IL6R: variants seen among roughly 807,000 people sequenced by gnomAD.
IL6R encodes the protein interleukin 6 receptor, also known as interleukin-6 receptor subunit alpha.
A neutral mutation model predicts 48.3 loss-of-function variants in IL6R; 38 were observed. The observed-to-expected ratio is 0.79, with a 90% confidence interval of 0.61 to 1.03. The LOEUF is 1.03. IL6R is among the 50% of genes least tolerant of loss of function. The probability of loss-of-function intolerance (pLI) is 0.00; values close to 1 mark genes in which losing one functional copy is unlikely to be tolerated. For synonymous variants in IL6R, 264 were observed against 256.2 expected, an observed-to-expected ratio of 1.03 and a Z score of -0.29; for missense variants, 534 against 618.3, an observed-to-expected ratio of 0.86 and a Z score of 1.45.
intron 1 of IL6R, among the ~76,000 whole-genome samples, chr1:154,420,655 C>G (rs552974627): frequency 6.6e-6 from 1 of 151,872 alleles, no homozygotes; most frequent in Non-Finnish European, 1.5e-5. Context: ...CATGCCTCAG[C>G]CTCCTGAGTA....
intron 1 of IL6R, among the ~76,000 whole-genome samples, chr1:154,411,915 C>T (rs1403549342): frequency 6.6e-6 from 1 of 150,636 alleles, no homozygotes; most frequent in Non-Finnish European, 1.5e-5. Context: ...GACAAAAATG[C>T]ATGCTTGATA....
chr1:154,467,829 A>G lies in IL6R; in HGVS notation c.*2449A>G, dbSNP rs1022852652. On this transcript the variant is annotated 3_prime_UTR_variant, in exon 10 of 10. Transcript: ENST00000368485. ...CCACATAAAGTTTCTGAGACTTGAG[A>G]ACAGCAAAATGCTGTTAAAGGGAAA... is the stretch of plus-strand genomic sequence containing the variant. The G allele has an allele frequency of 6.6e-6, 1 of 152,210 alleles. No individual in the cohort carries two copies. Among genetic ancestry groups the G allele is most frequent in the Admixed American group, 6.5e-5 (1 of 15,278 alleles). 9.4% of individuals were successfully genotyped at this position (152,210 alleles called of 1,614,324 possible).
chr1:154,450,721 C>T (rs1690535920), intron 8 of IL6R, among the ~76,000 whole-genome samples: 1 of 152,212 alleles, frequency 6.6e-6, no homozygotes, highest in Non-Finnish European at 1.5e-5. Context: ...ATCACAAGTC[C>T]TGTGTTTGAC....
At chr1:154,436,991 T>C (rs1376759527) in intron 6 of IL6R, among the ~76,000 whole-genome samples, 1 of 152,256 alleles carries the variant, frequency 6.6e-6, no homozygotes, top group Non-Finnish European at 1.5e-5. Flanking sequence ...TATATAAATG[T>C]AATATTCCCC....
At chr1:154,439,718 A>G (rs922851082) in intron 6 of IL6R, among the ~76,000 whole-genome samples, 2 of 151,998 alleles carry the variant, frequency 1.3e-5, no homozygotes, top group African/African-American at 2.4e-5. Context: ...TAAAACTGAA[A>G]CTCAGAATCT....
At chr1:154,439,640 G>A (rs1159611424) in intron 6 of IL6R, among the ~76,000 whole-genome samples, 2 of 152,162 alleles carry the variant, frequency 1.3e-5, no homozygotes, top group African/African-American at 4.8e-5. Context: ...TAAGTGCACA[G>A]CTCTGTGGCA....
chr1:154,434,316 C>G (rs957806921), intron 3 of IL6R, among the ~76,000 whole-genome samples: 5 of 151,982 alleles, frequency 3.3e-5, no homozygotes, highest in African/African-American at 1.2e-4. Flanking sequence ...ATCACAAAAA[C>G]AAAACAAAAC....
In IL6R at chr1:154,467,959, A is replaced by G. The variant is rs1691633276; in HGVS notation, c.*2579A>G. 2 of 152,234 alleles carry G rather than the reference A, an allele frequency of 1.3e-5. No individual in the cohort carries two copies. Among genetic ancestry groups the G allele is most frequent in the Admixed American group, 1.3e-4 (2 of 15,278 alleles). 9.4% of individuals were successfully genotyped at this position (152,234 alleles called of 1,614,324 possible). A position where few individuals can be genotyped will look rare whatever the true frequency, so the allele number is the denominator to read the frequency against. Reference sequence around the variant, plus strand: ...GGTGTTACCAAAGCCGGGCAGAACCATGCTAGCGGAAGATGTGAAATCCAG... The same window carrying G: ...GGTGTTACCAAAGCCGGGCAGAACCGTGCTAGCGGAAGATGTGAAATCCAG... On this transcript the variant is annotated 3_prime_UTR_variant, in exon 10 of 10. Coordinates refer to ENST00000368485, the MANE Select transcript of IL6R (RefSeq NM_000565.4).
intron 6 of IL6R, chr1:154,437,475 G>T: frequency 2.2e-6 from 1 of 445,682 alleles, no homozygotes; most frequent in Non-Finnish European, 4.5e-6. Context: ...GTACAGCAGT[G>T]CAATCACAGC....
intron 9 of IL6R, among the ~76,000 whole-genome samples, chr1:154,464,675 C>T (rs1000244757): frequency 4.6e-5 from 7 of 151,658 alleles, no homozygotes; most frequent in Non-Finnish European, 7.4e-5. Flanking sequence ...TAAAAACAGT[C>T]GGGTCGGGTG....
At chr1:154,460,180 T>G (rs568287130) in intron 9 of IL6R, among the ~76,000 whole-genome samples, 2 of 152,322 alleles carry the variant, frequency 1.3e-5, no homozygotes, top group South Asian at 4.1e-4. Flanking sequence ...GTAAAATAGA[T>G]AAAAGGTGGA....
chr1:154,449,900 G>A lies in IL6R; in HGVS notation c.997-11G>A, dbSNP rs1396050348. On this transcript the variant is annotated splice_polypyrimidine_tract_variant and intron_variant, in intron 7 of 9. Coordinates refer to ENST00000368485, the MANE Select transcript of IL6R (RefSeq NM_000565.4). ...CAGAAACAGGCTGATGGTGAGGAATGTCTCTTTTAGGCACTTACTACTAAT... is the reference window on the plus strand; with the variant it reads ...CAGAAACAGGCTGATGGTGAGGAATATCTCTTTTAGGCACTTACTACTAAT... The A allele has an allele frequency of 1.9e-6, 3 of 1,582,630 alleles. No homozygotes were observed. The highest frequency in any genetic ancestry group is 2.7e-5 in the African/African-American group (2 of 74,300).
chr1:154,412,008 C>T (rs962735353), intron 1 of IL6R, among the ~76,000 whole-genome samples: 3 of 141,988 alleles, frequency 2.1e-5, no homozygotes, highest in Admixed American at 7.3e-5. Context: ...AGTGCAGTGG[C>T]GCGATCTCAG....
Position 154,405,675 on chromosome 1 carries a change from C to T in IL6R, c.46C>T (p.Pro16Ser). The change falls in exon 1 of 10, where the codon CCG becomes TCG. Residue 16 changes from proline (P) to serine (S), a missense_variant. Pro to Ser is a moderately conservative substitution (Grantham distance 74). Transcript: ENST00000368485. The surrounding 1 kb of genome is among the most constrained non-coding windows in gnomAD (Gnocchi z 5.2). Reference sequence around the variant, plus strand: ...GCTGCTGGCTGCCCTGCTGGCCGCGCCGGGAGCGGCGCTGGCCCCAAGGCG... The same window carrying T: ...GCTGCTGGCTGCCCTGCTGGCCGCGTCGGGAGCGGCGCTGGCCCCAAGGCG... ...CALLAALLAA[P>S]GAALAPRRCP... The T allele has an allele frequency of 6.5e-7, 1 of 1,529,478 alleles. No homozygotes were observed. The allele number at this position is 1,529,478 out of a possible 1,614,324, so 94.7% of individuals were successfully genotyped here. A position where few individuals can be genotyped will look rare whatever the true frequency, so the allele number is the denominator to read the frequency against.
intron 9 of IL6R, among the ~76,000 whole-genome samples, chr1:154,455,455 CTTTT>C (rs201098458): frequency 2.3e-5 from 3 of 128,416 alleles, no homozygotes; most frequent in Admixed American, 7.7e-5. Flanking sequence ...CTTTTCTTTT[CTTTT>C]TTTTTTTTTT....
At chr1:154,426,130 G>A (rs950331878) in intron 1 of IL6R, among the ~76,000 whole-genome samples, 3 of 136,284 alleles carry the variant, frequency 2.2e-5, no homozygotes, top group Admixed American at 1.5e-4. Context: ...AAGGAAGTTC[G>A]AGAAAAGCAC....
At chr1:154,417,994 A>G (rs1218147801) in intron 1 of IL6R, among the ~76,000 whole-genome samples, 1 of 152,070 alleles carries the variant, frequency 6.6e-6, no homozygotes, top group Admixed American at 6.6e-5. Flanking sequence ...CTGTCTCCCA[A>G]AGTGCTGGGA....
chr1:154,406,759 G>C (rs1687745031), intron 1 of IL6R, among the ~76,000 whole-genome samples: 1 of 152,204 alleles, frequency 6.6e-6, no homozygotes, highest in Non-Finnish European at 1.5e-5. Context: ...CTGAGCTGGA[G>C]TGTCTGAGGC....
At chr1:154,445,516 T>C (rs757112389) in intron 6 of IL6R, among the ~76,000 whole-genome samples, 6 of 152,124 alleles carry the variant, frequency 3.9e-5, no homozygotes, top group East Asian at 1.9e-4. Flanking sequence ...TTTGGGAGGC[T>C]GAGGCGGGCG....
Sources: gnomAD v4.1 joint callset for allele counts (sites outside exome capture counted in the v4.1 genomes callset) on GRCh38, gnomAD v4.1.1 for gene constraint, Gnocchi (gnomAD v3.1) non-coding constraint, MANE v1.5 for transcripts, NCBI Gene and HGNC (gene_info 2026-07-23, HGNC 2026-07-21) for gene names.